CPLX2: variants seen among roughly 807,000 people sequenced by gnomAD.
CPLX2 encodes the protein complexin-2.
CPLX2 carries 5 observed loss-of-function variants against 16.3 expected under a neutral mutation model. The observed-to-expected ratio is 0.31, with a 90% CI of 0.16 to 0.64. The LOEUF (loss-of-function observed/expected upper bound fraction) is 0.64. Ranked by LOEUF, CPLX2 falls within the 30% of genes least tolerant of loss-of-function variation. The pLI, the probability that CPLX2 is intolerant of heterozygous loss-of-function variation, is 0.79. For missense variants in CPLX2, 144 were observed against 181.4 expected, an observed-to-expected ratio of 0.79 and a Z score of 1.18; for synonymous variants, 89 against 73.2, an observed-to-expected ratio of 1.22 and a Z score of -1.10.
At chr5:175,803,195 T>C (rs756042795) in intron 1 of CPLX2, among the ~76,000 whole-genome samples, 3 of 152,178 alleles carry the variant, frequency 2.0e-5, no homozygotes, top group Non-Finnish European at 4.4e-5. Context: ...ATTTCCCAAA[T>C]GTGAAAACTG....
At chr5:175,871,033 G>C (rs1177254939), upstream of CPLX2, among the ~76,000 whole-genome samples, 1 of 152,158 alleles carries the variant, frequency 6.6e-6, no homozygotes, top group African/African-American at 2.4e-5. Flanking sequence ...AGGTGGAACG[G>C]GGGTCGCTGA....
intron 1 of CPLX2, among the ~76,000 whole-genome samples, chr5:175,799,556 A>ATTTATATATT (rs1353977492): frequency 7.2e-6 from 1 of 138,114 alleles, no homozygotes; most frequent in Non-Finnish European, 1.6e-5. Flanking sequence ...ATATATATAT[A>ATTTATATATT]TATATATATA....
At chr5:175,799,560 A>ATATATG (rs908606348) in intron 1 of CPLX2, among the ~76,000 whole-genome samples, 6 of 74,158 alleles carry the variant, frequency 8.1e-5, no homozygotes, top group Non-Finnish European at 1.6e-4. Flanking sequence ...ATATATATAT[A>ATATATG]TATATATATA....
intron 2 of CPLX2, 63 bp downstream of exon 2, chr5:175,878,833 G>A: frequency 3.1e-6 from 5 of 1,607,912 alleles, no homozygotes; most frequent in Middle Eastern, 1.7e-4. Flanking sequence ...GGTGGCCTCG[G>A]CCCACCCGGC....
At chr5:175,855,348 C>A (rs1175467854) in intron 2 of CPLX2, among the ~76,000 whole-genome samples, 1 of 152,218 alleles carries the variant, frequency 6.6e-6, no homozygotes, top group African/African-American at 2.4e-5. Flanking sequence ...GCGTAATGAT[C>A]ACAATGTCAG....
At chr5:175,828,823 G>A (rs941449327) in intron 2 of CPLX2, among the ~76,000 whole-genome samples, 5 of 152,192 alleles carry the variant, frequency 3.3e-5, no homozygotes, top group African/African-American at 1.2e-4. Context: ...TCCAGAGCCT[G>A]AGCAAACCAG....
chr5:175,831,476 A>T (rs1227512871), intron 2 of CPLX2, among the ~76,000 whole-genome samples: 1 of 152,184 alleles, frequency 6.6e-6, no homozygotes, highest in Admixed American at 6.5e-5. Flanking sequence ...GCAGGTGAGA[A>T]CCAACAGGGC....
intron 2 of CPLX2, among the ~76,000 whole-genome samples, chr5:175,817,202 A>G (rs1758424428): frequency 6.6e-6 from 1 of 152,232 alleles, no homozygotes; most frequent in African/African-American, 2.4e-5. Context: ...ACAGGATCTT[A>G]GATGGCTCTA....
intron 1 of CPLX2, among the ~76,000 whole-genome samples, chr5:175,803,946 G>A (rs1250435809): frequency 1.3e-5 from 2 of 152,238 alleles, no homozygotes; most frequent in Admixed American, 1.3e-4. Context: ...GCATCCTAAT[G>A]CCGGGAGGAT....
intron 2 of CPLX2, among the ~76,000 whole-genome samples, chr5:175,851,641 T>C (rs1759157157): frequency 6.6e-6 from 1 of 152,262 alleles, no homozygotes; most frequent in African/African-American, 2.4e-5. Context: ...CTAGGCCTTA[T>C]GCCAGCCATG....
chr5:175,800,912 T>A (rs1274585334), intron 1 of CPLX2, among the ~76,000 whole-genome samples: 3 of 151,918 alleles, frequency 2.0e-5, no homozygotes, highest in Non-Finnish European at 4.4e-5. Flanking sequence ...ATGACAAAAG[T>A]CAGTCATGTG....
chr5:175,827,879 G>A (rs1373250263), intron 2 of CPLX2, among the ~76,000 whole-genome samples: 7 of 152,262 alleles, frequency 4.6e-5, no homozygotes, highest in East Asian at 3.9e-4. Flanking sequence ...TGCCTCCTGC[G>A]TGCCCTGGCC....
At chr5:175,846,059 T>C (rs931862258) in intron 2 of CPLX2, among the ~76,000 whole-genome samples, 1 of 152,064 alleles carries the variant, frequency 6.6e-6, no homozygotes, top group Admixed American at 6.5e-5. Flanking sequence ...CTGTGGCCTT[T>C]TCCTTCCTTC....
At chr5:175,839,068 A>T (rs553043656) in intron 2 of CPLX2, among the ~76,000 whole-genome samples, 2 of 152,146 alleles carry the variant, frequency 1.3e-5, no homozygotes, top group African/African-American at 2.4e-5. Flanking sequence ...AGCATTTTTT[A>T]AAAATGTTTT....
chr5:175,878,430 T>C, intron 1 of CPLX2: 1 of 504,994 alleles, frequency 2.0e-6, no homozygotes, highest in Non-Finnish European at 3.5e-6. Flanking sequence ...GGCTTTAAAA[T>C]AGGGACCAAA....
At chr5:175,858,185 G>T (rs1759295934) in intron 2 of CPLX2, among the ~76,000 whole-genome samples, 1 of 152,202 alleles carries the variant, frequency 6.6e-6, no homozygotes, top group Non-Finnish European at 1.5e-5. Context: ...TACATAATAG[G>T]AGGTAAGAGA....
At chr5:175,821,557 G>A (rs1174091468) in intron 2 of CPLX2, among the ~76,000 whole-genome samples, 1 of 152,076 alleles carries the variant, frequency 6.6e-6, no homozygotes, top group Non-Finnish European at 1.5e-5. Context: ...ACAGGCACCT[G>A]TCACCATGCC....
intron 1 of CPLX2, among the ~76,000 whole-genome samples, chr5:175,873,328 G>A (rs905868625): frequency 6.6e-6 from 1 of 151,626 alleles, no homozygotes; most frequent in African/African-American, 2.4e-5. Context: ...TTGCACACAC[G>A]GGGTCATACT....
intron 1 of CPLX2, among the ~76,000 whole-genome samples, chr5:175,803,618 G>A (rs1758140126): frequency 6.6e-6 from 1 of 152,240 alleles, no homozygotes; most frequent in Non-Finnish European, 1.5e-5. Context: ...CACAGACGGT[G>A]ACAGCGGAAA....
Sources: allele counts gnomAD v4.1 joint callset (sites outside exome capture counted in the v4.1 genomes callset), GRCh38; gene constraint gnomAD v4.1.1; transcripts MANE v1.5; gene names NCBI Gene and HGNC (gene_info 2026-07-23, HGNC 2026-07-21).